The following RNASEH2B variants were observed in gnomAD, a reference collection of about 807,000 sequenced individuals.
RNASEH2B encodes the protein ribonuclease H2 subunit B, also known as Aicardi-Goutieres syndrome 2 protein.
In RNASEH2B, 36 loss-of-function variants were observed where a neutral mutation model predicts 45.0. The observed-to-expected ratio is 0.80, with a 90% CI of 0.61 to 1.06. The LOEUF (loss-of-function observed/expected upper bound fraction) is 1.06. Among genes scored for constraint, RNASEH2B ranks in the 50% least tolerant of loss-of-function variants. The probability of loss-of-function intolerance (pLI) is 0.00; values close to 1 mark genes in which losing one functional copy is unlikely to be tolerated. For synonymous variants in RNASEH2B, 119 were observed against 125.7 expected, an observed-to-expected ratio of 0.95 and a Z score of 0.35; for missense variants, 361 against 360.3, an observed-to-expected ratio of 1.00 and a Z score of -0.02.
intron 1 of RNASEH2B, among the ~76,000 whole-genome samples, chr13:50,923,282 A>G (rs1951548088): frequency 6.6e-6 from 1 of 152,236 alleles, no homozygotes; most frequent in African/African-American, 2.4e-5. Flanking sequence ...ATAGCCAAAT[A>G]CTTCCCAAAT....
At chr13:50,937,165 A>C (rs1951764161) in intron 5 of RNASEH2B, 1 of 152,112 alleles carries the variant, frequency 6.6e-6, no homozygotes, top group Admixed American at 6.5e-5. Flanking sequence ...GCAGCCTGTG[A>C]ATCTCAAAAT....
At chr13:50,957,950 G>T (rs1287290938), downstream of RNASEH2B, among the ~76,000 whole-genome samples, 3 of 152,050 alleles carry the variant, frequency 2.0e-5, no homozygotes. Context: ...TTTTAATGGG[G>T]TTATTTGTAT....
chr13:50,937,864 T>C lies in RNASEH2B; in HGVS notation c.436+2865T>C, dbSNP rs138682344. 2.1e-4 allele frequency: 32 copies of C among 152,296 alleles called. No individual in the cohort carries two copies. The East Asian group carries it at 5.0e-3, about 24-fold the overall frequency. The allele number at this position is 152,296 out of a possible 1,614,324, so 9.4% of individuals were successfully genotyped here. On this transcript the variant is annotated intron_variant, in intron 5 of 10. Transcript: ENST00000336617. ...CTTCATTGTAAAAGACTGAACACAA[T>C]CTTCCCCCAAGACTGGATACAAGAG...
Position 50,909,950 on chromosome 13 carries a change from C to G in RNASEH2B, c.-127C>G. On this transcript the variant is annotated 5_prime_UTR_variant, in exon 1 of 11. Transcript: ENST00000336617. ...GAAATTCGGTCCCTGGGCCTCCTCCCGGGCGCTGCCGGTCCCTCAGCGCGC... is the reference window on the plus strand; with the variant it reads ...GAAATTCGGTCCCTGGGCCTCCTCCGGGGCGCTGCCGGTCCCTCAGCGCGC... 1.4e-6 allele frequency: 1 copy of G among 700,448 alleles called. No homozygotes were observed. The highest frequency in any genetic ancestry group is 2.2e-6 in the Non-Finnish European group (1 of 456,556). The allele number at this position is 700,448 out of a possible 1,614,324, so 43.4% of individuals were successfully genotyped here.
At position 50,935,016 on chromosome 13, in the gene RNASEH2B, A is replaced by G. The variant is rs1306664867; in HGVS notation, c.436+17A>G. The G allele has an allele frequency of 6.6e-7, 1 of 1,515,260 alleles. No homozygotes were observed. Among genetic ancestry groups the G allele is most frequent in the East Asian group, 2.3e-5 (1 of 44,352 alleles). The allele number at this position is 1,515,260 out of a possible 1,614,324, so 93.9% of individuals were successfully genotyped here. A position where few individuals can be genotyped will look rare whatever the true frequency, so the allele number is the denominator to read the frequency against. ...AGGAAAAAGGTATGGTATAACTTAA[A>G]GGCTTATGGCTGGTAGAAAGGATGG... is the stretch of plus-strand genomic sequence containing the variant. On this transcript the variant is annotated intron_variant, in intron 5 of 10. Coordinates refer to ENST00000336617, the MANE Select transcript of RNASEH2B (RefSeq NM_024570.4).
chr13:50,941,055 A>G (rs1479294834), intron 5 of RNASEH2B: 4 of 152,350 alleles, frequency 2.6e-5, no homozygotes, highest in Non-Finnish European at 4.4e-5. Flanking sequence ...ATTGATTCTG[A>G]GATTCATTCT....
intron 2 of RNASEH2B, among the ~76,000 whole-genome samples, chr13:50,929,239 C>G (rs899922264): frequency 6.6e-6 from 1 of 152,176 alleles, no homozygotes; most frequent in African/African-American, 2.4e-5. Context: ...AGATAAATGA[C>G]TTGCACTTTC....
chr13:50,970,044 CACTT>C (rs1952205172), exon 10 of RNASEH2B: 5 of 1,412,862 alleles, frequency 3.5e-6, no homozygotes, highest in Non-Finnish European at 3.9e-6. Flanking sequence ...TTTTCTTCTG[CACTT>C]TTTTGGAAAA....
Position 50,967,735 on chromosome 13 carries a change from C to A in RNASEH2B, c.742-2197C>A, listed in dbSNP as rs77564449. Among the ~76,000 whole-genome samples, 704 of 152,278 alleles carry A rather than the reference C, an allele frequency of 4.6e-3. 5 individuals carry two copies. The highest frequency in any genetic ancestry group is 0.017 in the African/African-American group (690 of 41,560). On this transcript the variant is annotated intron_variant, in intron 9 of 9. Transcript: ENST00000422660. ...TTCACATAGTTTAGGAGTTGACTTT[C>A]TCTGTTCTTAAAGCTGATCTAACTT...
At chr13:50,945,197 G>A (rs1951885029) in intron 6 of RNASEH2B, among the ~76,000 whole-genome samples, 1 of 152,106 alleles carries the variant, frequency 6.6e-6, no homozygotes, top group Non-Finnish European at 1.5e-5. Flanking sequence ...TTCTCATATT[G>A]TGTAGGCCAT....
At chr13:50,964,720 G>A (rs1251648253) in intron 9 of RNASEH2B, among the ~76,000 whole-genome samples, 3 of 152,124 alleles carry the variant, frequency 2.0e-5, no homozygotes, top group South Asian at 2.1e-4. Flanking sequence ...GTTTTTTCCA[G>A]CAAAGTCGAG....
intron 4 of RNASEH2B, among the ~76,000 whole-genome samples, chr13:50,931,943 C>T (rs895843095): frequency 3.8e-5 from 5 of 131,390 alleles, no homozygotes; most frequent in African/African-American, 1.5e-4. Context: ...CAAATGTTGA[C>T]ACATCTCATT....
chr13:50,952,020 T>C (rs1951982503), intron 9 of RNASEH2B: 1 of 152,144 alleles, frequency 6.6e-6, no homozygotes, highest in South Asian at 2.1e-4. Flanking sequence ...ACCTCATCAG[T>C]TCAGTGGCAC....
chr13:50,957,135 C>T (rs552207459), downstream of RNASEH2B, among the ~76,000 whole-genome samples: 1 of 149,620 alleles, frequency 6.7e-6, no homozygotes, highest in Non-Finnish European at 1.5e-5. Context: ...GGTACATATG[C>T]AGGTTTGTTA....
chr13:50,914,424 G>A (rs1039787252), intron 1 of RNASEH2B, among the ~76,000 whole-genome samples: 2 of 152,176 alleles, frequency 1.3e-5, no homozygotes, highest in Non-Finnish European at 2.9e-5. Context: ...AGACAACCTC[G>A]GAATAATTAA....
At chr13:50,942,836 G>A (rs1376728738) in intron 5 of RNASEH2B, 1 of 160,566 alleles carries the variant, frequency 6.2e-6, no homozygotes, top group African/African-American at 2.4e-5. Flanking sequence ...GTTTAGTCCA[G>A]TAAGGCAGCA....
chr13:50,953,707 C>T (rs890066286), intron 9 of RNASEH2B, 198 bp from the exon 10 acceptor site: 27 of 605,370 alleles, frequency 4.5e-5, no homozygotes, highest in Non-Finnish European at 4.1e-5. Context: ...AAGGCTGCTT[C>T]TTAGGAGTGA....
At chr13:50,931,492 A>G (rs1433582422) in intron 4 of RNASEH2B, among the ~76,000 whole-genome samples, 1 of 152,226 alleles carries the variant, frequency 6.6e-6, no homozygotes, top group Non-Finnish European at 1.5e-5. Context: ...GAAACAAACA[A>G]CCAAATTTAA....
downstream of RNASEH2B, among the ~76,000 whole-genome samples, chr13:50,961,455 C>T (rs1017052157): frequency 1.3e-5 from 2 of 151,978 alleles, no homozygotes; most frequent in Non-Finnish European, 2.9e-5. Context: ...AATTTTAATG[C>T]TCATGTTGTT....
Sources: gnomAD v4.1 joint callset for allele counts (sites outside exome capture counted in the v4.1 genomes callset) on GRCh38, gnomAD v4.1.1 for gene constraint, MANE v1.5 for transcripts, NCBI Gene and HGNC (gene_info 2026-07-23, HGNC 2026-07-21) for gene names.